Variants in LRPPRC observed in about 807,000 individuals in gnomAD.
LRPPRC encodes the protein leucine-rich PPR motif-containing protein, mitochondrial.
In LRPPRC, 120 loss-of-function variants were observed where a neutral mutation model predicts 180.3. The ratio of observed to expected loss-of-function variants is 0.67; its 90% confidence interval spans 0.57 to 0.77. The LOEUF (loss-of-function observed/expected upper bound fraction) is 0.77. Ranked by LOEUF, LRPPRC falls within the 30% of genes least tolerant of loss-of-function variation. The probability of loss-of-function intolerance (pLI) is 0.00; values close to 1 mark genes in which losing one functional copy is unlikely to be tolerated. For synonymous variants in LRPPRC, 723 were observed against 600.0 expected (o/e 1.21, Z -3.00); for missense variants, 2,012 against 1,657.2 (o/e 1.21, Z -3.72).
chr2:43,987,491 CAAAAAAAAAAA>C (rs34151335), intron 1 of LRPPRC, among the ~76,000 whole-genome samples: 2 of 75,914 alleles, frequency 2.6e-5, no homozygotes, highest in Non-Finnish European at 4.6e-5. Flanking sequence ...CCAGACTCCT[CAAAAAAAAAAA>C]AAAAAAAAAG....
chr2:43,901,169 T>A, intron 32 of LRPPRC, 151 bp downstream of exon 32: 1 of 654,922 alleles, frequency 1.5e-6, no homozygotes. Flanking sequence ...TTTTTCAACA[T>A]ATAATTATTC....
chr2:43,958,547 T>C lies in LRPPRC; in HGVS notation c.1583-1096A>G, dbSNP rs540781402. Among the ~76,000 whole-genome samples the C allele has an allele frequency of 3.9e-4, 60 of 152,334 alleles. 1 individual carries two copies. The highest frequency in any genetic ancestry group is 1.3e-3 in the African/African-American group (55 of 41,576). On this transcript the variant is annotated intron_variant, in intron 13 of 37. Transcript: ENST00000260665. The stretch of plus-strand genomic sequence containing the variant: ...AAGTTTCTCAGTGCTTTTATAGTGT[T>C]TGAAAATCTAAAAGTCACTTTTAAA...
At position 43,901,319 on chromosome 2, in the gene LRPPRC, C is replaced by A; in HGVS notation, c.3569+1G>T. 1 of 1,612,212 alleles carries A rather than the reference C, an allele frequency of 6.2e-7. No individual in the cohort carries two copies. The highest frequency in any genetic ancestry group is 1.1e-5 in the South Asian group (1 of 91,042). On this transcript the variant is annotated splice_donor_variant, in intron 32 of 37. Coordinates refer to ENST00000260665, the MANE Select transcript of LRPPRC (RefSeq NM_133259.4). LOFTEE classifies it high-confidence loss of function. ...GGAAAAGAAGGCTTGCAAATACTCA[C>A]TTCTTTATTTGAGCCAAAGCAATGT...
chr2:43,971,485 T>TAAAAAAAAAAAAAAAAAATAA (rs1673803570), intron 11 of LRPPRC, among the ~76,000 whole-genome samples: 1 of 62,418 alleles, frequency 1.6e-5, no homozygotes, highest in Non-Finnish European at 2.8e-5. Flanking sequence ...TGTGTCACAG[T>TAAAAAAAAAAAAAAAAAATAA]AAAAAAAAAA....
At chr2:43,930,042 G>C (rs747537231) in intron 25 of LRPPRC, among the ~76,000 whole-genome samples, 4 of 152,070 alleles carry the variant, frequency 2.6e-5, no homozygotes. Context: ...ATTAAGGAAG[G>C]CAAATGGGAT....
chr2:43,988,455 G>C (rs1674629679), intron 1 of LRPPRC, among the ~76,000 whole-genome samples: 1 of 152,144 alleles, frequency 6.6e-6, no homozygotes, highest in African/African-American at 2.4e-5. Context: ...AGAATCGCTT[G>C]AACCTGGGAG....
chr2:43,977,781 C>A (rs574766921), intron 3 of LRPPRC, among the ~76,000 whole-genome samples: 9 of 152,192 alleles, frequency 5.9e-5, no homozygotes, highest in Admixed American at 3.9e-4. Context: ...TATCTGTATT[C>A]TAATGACCTT....
At chr2:43,950,353 A>G (rs548874208) in intron 15 of LRPPRC, among the ~76,000 whole-genome samples, 1 of 152,278 alleles carries the variant, frequency 6.6e-6, no homozygotes, top group South Asian at 2.1e-4. Context: ...TCCATTAGCT[A>G]TTCTTCCTGA....
intron 1 of LRPPRC, among the ~76,000 whole-genome samples, chr2:43,992,403 T>C (rs1674820698): frequency 6.6e-6 from 1 of 152,158 alleles, no homozygotes; most frequent in Non-Finnish European, 1.5e-5. Flanking sequence ...TTCAAAGTAG[T>C]AGTCTGGTAC....
chr2:43,961,556 T>C (rs1474555123), intron 12 of LRPPRC, among the ~76,000 whole-genome samples: 4 of 152,214 alleles, frequency 2.6e-5, no homozygotes, highest in East Asian at 3.8e-4. Flanking sequence ...TATGGACAGA[T>C]TGTACAGCCC....
At position 43,982,405 on chromosome 2, in the gene LRPPRC, G is replaced by C; in HGVS notation, c.179C>G (p.Ala60Gly). 6.2e-7 allele frequency: 1 copy of C among 1,613,756 alleles called. No individual in the cohort carries two copies. Among genetic ancestry groups the C allele is most frequent in the Non-Finnish European group, 8.5e-7 (1 of 1,179,726 alleles). Residue 60 changes from alanine to glycine, a missense_variant, in exon 2 of 38, where the codon GCC becomes GGC. Ala to Gly is a moderately conservative substitution (Grantham distance 60, BLOSUM62 0). Transcript: ENST00000260665. Reference protein sequence around the residue: ...GGLLSPARLYAIAAKEKDIQE... With the variant: ...GGLLSPARLYGIAAKEKDIQE... Reference sequence around the variant, plus strand: ...AATATCTTTTTCTTTGGCAGCAATGGCATACAGCCTGGCTGGGCTCAGTAG... The same window carrying C: ...AATATCTTTTTCTTTGGCAGCAATGCCATACAGCCTGGCTGGGCTCAGTAG...
At chr2:43,953,202 C>G (rs1334221361) in intron 14 of LRPPRC, among the ~76,000 whole-genome samples, 1 of 152,118 alleles carries the variant, frequency 6.6e-6, no homozygotes, top group Non-Finnish European at 1.5e-5. Flanking sequence ...GACTGAGTAC[C>G]TTCTATAAAC....
At chr2:43,890,197 G>A (rs879638896) in intron 36 of LRPPRC, 8 of 408,904 alleles carry the variant, frequency 2.0e-5, no homozygotes, top group Non-Finnish European at 3.4e-5. Context: ...ACAAACTGAA[G>A]TCCTCAGTTA....
intron 27 of LRPPRC, among the ~76,000 whole-genome samples, chr2:43,918,631 C>T (rs1159631284): frequency 6.6e-6 from 1 of 151,700 alleles, no homozygotes; most frequent in South Asian, 2.1e-4. Context: ...ACAAGAAGCC[C>T]CCATCACACT....
intron 27 of LRPPRC, among the ~76,000 whole-genome samples, chr2:43,920,707 C>A (rs1218785144): frequency 2.0e-5 from 3 of 151,540 alleles, no homozygotes; most frequent in African/African-American, 4.8e-5. Context: ...AAAATCCAAG[C>A]CTCTGAATCT....
At position 43,912,490 on chromosome 2, in the gene LRPPRC, G is replaced by C; in HGVS notation, c.3217C>G (p.Leu1073Val). The part of the protein sequence containing the change: ...IVFNAETYSN[L>V]IKLLMSEDYF... ...TCTTCTGACATCAGTAATTTAATGA[G>C]ATTGCTGTAGGTTTCAGCATTAAAC... Residue 1073 changes from leucine to valine, a missense_variant, in exon 30 of 38, where the codon CTC (leucine) becomes GTC (valine). Transcript: ENST00000260665. 1 of 1,585,802 alleles carries C rather than the reference G, an allele frequency of 6.3e-7. No individual in the cohort carries two copies. The highest frequency in any genetic ancestry group is 1.1e-5 in the South Asian group (1 of 90,500).
intron 1 of LRPPRC, among the ~76,000 whole-genome samples, chr2:43,993,815 C>A (rs1024410953): frequency 6.6e-6 from 1 of 151,264 alleles, no homozygotes; most frequent in Non-Finnish European, 1.5e-5. Flanking sequence ...ACAGTGGGAC[C>A]GGCATGTTTT....
At chr2:43,985,032 A>G (rs752120040) in intron 1 of LRPPRC, among the ~76,000 whole-genome samples, 4 of 151,908 alleles carry the variant, frequency 2.6e-5, no homozygotes, top group Non-Finnish European at 5.9e-5. Context: ...CTTCAATAGA[A>G]AACGATCTTA....
chr2:43,974,320 T>C, intron 8 of LRPPRC, 25 bp from the exon 9 acceptor site: 4 of 1,572,958 alleles, frequency 2.5e-6, no homozygotes, highest in Non-Finnish European at 3.5e-6. Context: ...AAGACATCTT[T>C]TGTTAATAAA....
Sources: gnomAD v4.1 joint callset for allele counts (sites outside exome capture counted in the v4.1 genomes callset) on GRCh38, gnomAD v4.1.1 for gene constraint, MANE v1.5 for transcripts, NCBI Gene and HGNC (gene_info 2026-07-23, HGNC 2026-07-21) for gene names.